Variants in LRRTM4 observed in about 807,000 individuals in gnomAD.
LRRTM4 encodes the protein leucine-rich repeat transmembrane neuronal protein 4.
In LRRTM4, 25 loss-of-function variants were observed where a neutral mutation model predicts 47.6. That is an observed-to-expected ratio of 0.53 (90% CI 0.38 to 0.73). The LOEUF (loss-of-function observed/expected upper bound fraction) is 0.73. LRRTM4 is among the 30% of genes least tolerant of loss of function. LRRTM4 has a pLI of 0.00. For missense variants in LRRTM4, 638 were observed against 713.4 expected (o/e 0.89, Z 1.20); for synonymous variants, 311 against 269.5 (o/e 1.15, Z -1.51).
intron 3 of LRRTM4, among the ~76,000 whole-genome samples, chr2:76,956,858 T>G (rs77819646): frequency 0.021 from 3,132 of 151,602 alleles, 91 homozygotes; most frequent in African/African-American, 0.067. Context: ...GATAAATTTC[T>G]AGAAACCTAC....
intron 3 of LRRTM4, among the ~76,000 whole-genome samples, chr2:76,986,920 T>C (rs993606490): frequency 3.9e-5 from 6 of 151,924 alleles, no homozygotes; most frequent in African/African-American, 7.2e-5. Flanking sequence ...TGGTAACTGA[T>C]AGAAAACATT....
At chr2:77,008,053 C>G (rs1677724343) in intron 3 of LRRTM4, among the ~76,000 whole-genome samples, 1 of 152,134 alleles carries the variant, frequency 6.6e-6, no homozygotes, top group Non-Finnish European at 1.5e-5. Context: ...GTAAACCACA[C>G]CAAAGTGAAC....
chr2:77,405,855 G>A (rs1674160661), intron 3 of LRRTM4, among the ~76,000 whole-genome samples: 1 of 152,066 alleles, frequency 6.6e-6, no homozygotes, highest in Non-Finnish European at 1.5e-5. Flanking sequence ...CAAGTAAGGT[G>A]TTTCTCTGTT....
At position 76,955,678 on chromosome 2, in the gene LRRTM4, T is replaced by G. The variant is rs979391315; in HGVS notation, c.1552-206762A>C. On this transcript the variant is annotated intron_variant, in intron 3 of 3. Transcript: ENST00000409884. ...ATTAGGTCATGAGGGTGGAGCTCTCTTGAATGGAATTAATGACCACCTAAA... is the reference window on the plus strand; with the variant it reads ...ATTAGGTCATGAGGGTGGAGCTCTCGTGAATGGAATTAATGACCACCTAAA... 2.0e-5 allele frequency among the ~76,000 whole-genome samples: 3 copies of G among 151,730 alleles called. No homozygotes were observed. The South Asian group carries it at 6.2e-4, about 31-fold the overall frequency.
intron 3 of LRRTM4, among the ~76,000 whole-genome samples, chr2:76,967,550 CTGTTT>C (rs1316866182): frequency 3.3e-5 from 5 of 151,518 alleles, no homozygotes; most frequent in African/African-American, 9.7e-5. Flanking sequence ...GCATACCTCC[CTGTTT>C]TAAGTCTTCT....
chr2:77,036,995 C>T (rs1678859983), intron 3 of LRRTM4, among the ~76,000 whole-genome samples: 1 of 151,570 alleles, frequency 6.6e-6, no homozygotes. Context: ...GCCTAGCATG[C>T]TAGGGATTCG....
At chr2:77,476,373 T>C (rs917638116) in intron 3 of LRRTM4, among the ~76,000 whole-genome samples, 2 of 152,112 alleles carry the variant, frequency 1.3e-5, no homozygotes, top group African/African-American at 4.8e-5. Flanking sequence ...TATAATGACA[T>C]GAATAAGAAA....
At chr2:77,199,071 A>T (rs1265369547) in intron 3 of LRRTM4, among the ~76,000 whole-genome samples, 1 of 152,144 alleles carries the variant, frequency 6.6e-6, no homozygotes, top group Non-Finnish European at 1.5e-5. Flanking sequence ...CCTTGATCAC[A>T]AACTTTCCTG....
rs766116746 is a variant in LRRTM4, at chr2:77,276,095, C to T, written c.1551+242223G>A. Among the ~76,000 whole-genome samples the T allele has an allele frequency of 8.6e-4, 131 of 152,024 alleles. 2 individuals carry two copies. Among genetic ancestry groups the T allele is most frequent in the Non-Finnish European group, 2.2e-4 (15 of 67,950 alleles). Reference sequence around the variant, plus strand: ...TAACAAACAAAGAAAAAATGATATTCAATCTATCTTCAACTTTTGCTCACA... The same window carrying T: ...TAACAAACAAAGAAAAAATGATATTTAATCTATCTTCAACTTTTGCTCACA... On this transcript the variant is annotated intron_variant, in intron 3 of 3. Coordinates refer to ENST00000409884, the MANE Select transcript of LRRTM4 (RefSeq NM_001134745.3).
Position 77,509,077 on chromosome 2 carries a change from C to T in LRRTM4, c.1551+9241G>A, listed in dbSNP as rs1573508824. Among the ~76,000 whole-genome samples the T allele has an allele frequency of 2.0e-5, 3 of 151,866 alleles. No homozygotes were observed. The East Asian group carries it at 5.9e-4, about 30-fold the overall frequency. On this transcript the variant is annotated intron_variant, in intron 3 of 3. Transcript: ENST00000409884. ...TGAAACCCTGTCTCTACTACAAATACAAAAATTAGCCAGGCATGGTAGCAC... is the reference window on the plus strand; with the variant it reads ...TGAAACCCTGTCTCTACTACAAATATAAAAATTAGCCAGGCATGGTAGCAC...
intron 3 of LRRTM4, among the ~76,000 whole-genome samples, chr2:77,437,990 C>T (rs976269127): frequency 5.3e-5 from 8 of 152,064 alleles, no homozygotes; most frequent in East Asian, 1.9e-4. Flanking sequence ...AAACTTGTAA[C>T]GGGTATCACA....
chr2:76,943,580 A>T (rs1675224941), intron 3 of LRRTM4, among the ~76,000 whole-genome samples: 1 of 152,148 alleles, frequency 6.6e-6, no homozygotes. Flanking sequence ...TCTCATTACA[A>T]TTTTTTCCTC....
intron 3 of LRRTM4, among the ~76,000 whole-genome samples, chr2:77,356,579 G>C (rs1671976736): frequency 6.6e-6 from 1 of 152,168 alleles, no homozygotes; most frequent in East Asian, 1.9e-4. Flanking sequence ...TTTGTTTAGA[G>C]AAATGCTGTT....
At chr2:77,500,778 G>A (rs529592225) in intron 3 of LRRTM4, among the ~76,000 whole-genome samples, 1 of 151,410 alleles carries the variant, frequency 6.6e-6, no homozygotes, top group Non-Finnish European at 1.5e-5. Context: ...TAATTCTAAA[G>A]TTCATCTCAA....
At chr2:77,002,566 A>G (rs1677473605) in intron 3 of LRRTM4, among the ~76,000 whole-genome samples, 3 of 152,126 alleles carry the variant, frequency 2.0e-5, no homozygotes, top group Admixed American at 1.3e-4. Context: ...CAAACAATCT[A>G]TTCTTTTCAT....
At chr2:77,214,108 A>C (rs1443496239) in intron 3 of LRRTM4, among the ~76,000 whole-genome samples, 1 of 152,172 alleles carries the variant, frequency 6.6e-6, no homozygotes, top group Non-Finnish European at 1.5e-5. Flanking sequence ...TCTGGCAATA[A>C]AGAATTCATT....
chr2:76,841,683 A>G (rs1331537587), intron 3 of LRRTM4, among the ~76,000 whole-genome samples: 1 of 148,766 alleles, frequency 6.7e-6, no homozygotes, highest in African/African-American at 2.5e-5. Flanking sequence ...AAAAAACTTT[A>G]CTGTGTATAT....
chr2:77,101,331 C>G (rs1670947610), intron 3 of LRRTM4, among the ~76,000 whole-genome samples: 1 of 152,128 alleles, frequency 6.6e-6, no homozygotes, highest in Non-Finnish European at 1.5e-5. Flanking sequence ...ATTATATTCT[C>G]TATACCAGAA....
intron 3 of LRRTM4, among the ~76,000 whole-genome samples, chr2:76,990,140 A>T (rs58936967): frequency 6.6e-6 from 1 of 151,426 alleles, no homozygotes; most frequent in African/African-American, 2.4e-5. Context: ...TTTTGCAGGG[A>T]AATTGTGAAA....
Sources: allele counts gnomAD v4.1 joint callset (sites outside exome capture counted in the v4.1 genomes callset), GRCh38; gene constraint gnomAD v4.1.1; transcripts MANE v1.5; gene names NCBI Gene and HGNC (gene_info 2026-07-23, HGNC 2026-07-21).